Variants in RAB11FIP2 observed in about 807,000 individuals in gnomAD.
RAB11FIP2 encodes the protein rab11 family-interacting protein 2.
In RAB11FIP2, 16 loss-of-function variants were observed where a neutral mutation model predicts 40.9. The observed-to-expected ratio is 0.39, with a 90% CI of 0.26 to 0.59. RAB11FIP2 has a LOEUF of 0.59. Ranked by LOEUF, RAB11FIP2 falls within the 20% of genes least tolerant of loss-of-function variation. The pLI, the probability that RAB11FIP2 is intolerant of heterozygous loss-of-function variation, is 0.53. For synonymous variants in RAB11FIP2, 228 were observed against 213.7 expected, an observed-to-expected ratio of 1.07 and a Z score of -0.58; for missense variants, 532 against 606.2, an observed-to-expected ratio of 0.88 and a Z score of 1.28.
At chr10:118,017,551 G>C (rs1011466042) in intron 3 of RAB11FIP2, 2 of 152,178 alleles carry the variant, frequency 1.3e-5, no homozygotes, top group African/African-American at 4.8e-5. Context: ...TAGTGTCGCT[G>C]CAGGACACGG....
chr10:118,029,539 C>G (rs1846388101), intron 3 of RAB11FIP2, among the ~76,000 whole-genome samples: 1 of 152,042 alleles, frequency 6.6e-6, no homozygotes, highest in African/African-American at 2.4e-5. Flanking sequence ...ATTTACACAC[C>G]TTTTTCTATG....
intron 3 of RAB11FIP2, among the ~76,000 whole-genome samples, chr10:118,032,416 T>C (rs1291011188): frequency 2.7e-5 from 4 of 149,124 alleles, no homozygotes; most frequent in Non-Finnish European, 6.0e-5. Flanking sequence ...TGCGTGCGTG[T>C]GTGTGTGTTT....
intron 1 of RAB11FIP2, among the ~76,000 whole-genome samples, chr10:118,041,788 GGAA>G (rs1846562640): frequency 6.6e-6 from 1 of 152,044 alleles, no homozygotes; most frequent in Non-Finnish European, 1.5e-5. Context: ...CACGTAACAT[GGAA>G]GAAAAATATT....
rs917193248 is a variant in RAB11FIP2 at position 118,046,853 on chromosome 10, G to T, written c.-690C>A. 1.3e-5 allele frequency: 2 copies of T among 152,504 alleles called. No homozygotes were observed. The highest frequency in any genetic ancestry group is 4.8e-5 in the African/African-American group (2 of 41,404). The allele number at this position is 152,504 out of a possible 1,614,324, so 9.4% of individuals were successfully genotyped here. A position where few individuals can be genotyped will look rare whatever the true frequency, so the allele number is the denominator to read the frequency against. On this transcript the variant is annotated 5_prime_UTR_variant, in exon 1 of 5. Coordinates refer to ENST00000355624, the MANE Select transcript of RAB11FIP2 (RefSeq NM_014904.3). ...TGCAGGGCTGCGGGCGCTTGGTTCG[G>T]CCTGGCCCGGCCGGCGGCTCCTAAC...
Position 118,046,801 on chromosome 10 carries a change from C to G in RAB11FIP2, c.-638G>C, listed in dbSNP as rs1251391603. ...GCGGGGAACGCGGCCGCCCCGGCGC[C>G]GGCGGGACGTGGGGCGGGCAGCGGG... On this transcript the variant is annotated 5_prime_UTR_variant, in exon 1 of 5. Coordinates refer to ENST00000355624, the MANE Select transcript of RAB11FIP2 (RefSeq NM_014904.3). 6.6e-6 allele frequency: 1 copy of G among 152,160 alleles called. No homozygotes were observed. The highest frequency in any genetic ancestry group is 1.5e-5 in the Non-Finnish European group (1 of 68,206). 9.4% of individuals were successfully genotyped at this position (152,160 alleles called of 1,614,324 possible).
At chr10:118,029,727 C>T (rs766981250) in intron 3 of RAB11FIP2, among the ~76,000 whole-genome samples, 4 of 151,954 alleles carry the variant, frequency 2.6e-5, no homozygotes, top group Non-Finnish European at 2.9e-5. Flanking sequence ...TCAGGAGCCT[C>T]GCAAGGGCCT....
intron 4 of RAB11FIP2, among the ~76,000 whole-genome samples, chr10:118,013,324 C>A (rs1330763586): frequency 1.3e-5 from 2 of 151,968 alleles, no homozygotes; most frequent in Non-Finnish European, 2.9e-5. Flanking sequence ...CATCTTTTGT[C>A]CTACTCCCTT....
chr10:118,015,169 A>C, intron 3 of RAB11FIP2, 59 bp from the exon 4 acceptor site: 1 of 1,444,036 alleles, frequency 6.9e-7, no homozygotes, highest in Non-Finnish European at 9.6e-7. Context: ...GAAACATAAA[A>C]ATAGAAAAAT....
intron 3 of RAB11FIP2, among the ~76,000 whole-genome samples, chr10:118,021,859 G>C (rs922578569): frequency 6.6e-6 from 1 of 152,092 alleles, no homozygotes; most frequent in African/African-American, 2.4e-5. Context: ...ATTTCTTAAG[G>C]TTGTTTTCAG....
intron 3 of RAB11FIP2, among the ~76,000 whole-genome samples, chr10:118,023,900 C>G (rs777787464): frequency 4.4e-4 from 67 of 151,712 alleles, no homozygotes; most frequent in South Asian, 8.3e-4. Context: ...ACCAGCCTGG[C>G]CAACATGGTG....
chr10:118,034,525 A>G (rs956107912), intron 3 of RAB11FIP2, among the ~76,000 whole-genome samples: 4 of 152,180 alleles, frequency 2.6e-5, no homozygotes, highest in African/African-American at 7.2e-5. Context: ...TAAAAATGGT[A>G]TAACAAACAT....
chr10:118,021,954 T>A (rs1472265504), intron 3 of RAB11FIP2, among the ~76,000 whole-genome samples: 1 of 152,212 alleles, frequency 6.6e-6, no homozygotes, highest in African/African-American at 2.4e-5. Flanking sequence ...GTAAATCTTT[T>A]CAACTACCAA....
At position 118,008,735 on chromosome 10, in the gene RAB11FIP2, A is replaced by T. The variant is rs1846123407; in HGVS notation, c.*263T>A. On this transcript the variant is annotated 3_prime_UTR_variant, in exon 5 of 5. Transcript: ENST00000355624. ...TATGGCAGATTAGTGGGTCAGTACC[A>T]GCACCTGAGTGAGTCCTAAGGAACC... 2.4e-6 allele frequency: 1 copy of T among 425,446 alleles called. No homozygotes were observed. The highest frequency in any genetic ancestry group is 4.3e-6 in the Non-Finnish European group (1 of 232,496). The allele number at this position is 425,446 out of a possible 1,614,324, so 26.4% of individuals were successfully genotyped here. A position where few individuals can be genotyped will look rare whatever the true frequency, so the allele number is the denominator to read the frequency against.
intron 3 of RAB11FIP2, among the ~76,000 whole-genome samples, chr10:118,026,391 T>C (rs182039282): frequency 2.6e-5 from 4 of 152,314 alleles, no homozygotes; most frequent in East Asian, 1.9e-4. Flanking sequence ...TTAAAGAACC[T>C]TGAATTCAGA....
chr10:118,030,979 A>G (rs1846406830), intron 3 of RAB11FIP2, among the ~76,000 whole-genome samples: 2 of 152,150 alleles, frequency 1.3e-5, no homozygotes, highest in South Asian at 4.1e-4. Context: ...TCGTGTTTAT[A>G]GTCATTGTTT....
rs5788283 is a variant in RAB11FIP2 at position 118,046,516 on chromosome 10, G to GCCC, written c.-356_-354dup. 2 of 187,032 alleles carry GCCC rather than the reference G, an allele frequency of 1.1e-5. No homozygotes were observed. The highest frequency in any genetic ancestry group is 2.2e-5 in the Non-Finnish European group (2 of 91,360). The allele number at this position is 187,032 out of a possible 1,614,324, so 11.6% of individuals were successfully genotyped here. A position where few individuals can be genotyped will look rare whatever the true frequency, so the allele number is the denominator to read the frequency against. On this transcript the variant is annotated 5_prime_UTR_variant, in exon 1 of 5. Transcript: ENST00000355624. ...GCGGAGGGCTGCGGGGGTGAAGGGAGCCCCCGCCCCAATTCTGCACCCCTG... is the reference window on the plus strand; with the variant it reads ...GCGGAGGGCTGCGGGGGTGAAGGGAGCCCCCCCCGCCCCAATTCTGCACCCCTG...
intron 3 of RAB11FIP2, among the ~76,000 whole-genome samples, chr10:118,032,227 A>T (rs1040105934): frequency 6.6e-6 from 1 of 152,058 alleles, no homozygotes; most frequent in African/African-American, 2.4e-5. Flanking sequence ...TCAATTTACC[A>T]TGGGTAGCAT....
chr10:118,016,791 GTT>G (rs140823606), intron 3 of RAB11FIP2, among the ~76,000 whole-genome samples: 21,776 of 152,140 alleles, frequency 0.14, 2,009 homozygotes, highest in Middle Eastern at 0.22. Flanking sequence ...CCTTGAGCAA[GTT>G]ACCTAACTTT....
At chr10:118,015,515 T>C (rs1234180439) in intron 3 of RAB11FIP2, among the ~76,000 whole-genome samples, 3 of 152,196 alleles carry the variant, frequency 2.0e-5, no homozygotes, top group East Asian at 1.9e-4. Context: ...GGAAAGATTA[T>C]AGAATAAAAG....
Sources: allele counts gnomAD v4.1 joint callset (sites outside exome capture counted in the v4.1 genomes callset), GRCh38; gene constraint gnomAD v4.1.1; transcripts MANE v1.5; gene names NCBI Gene and HGNC (gene_info 2026-07-23, HGNC 2026-07-21).